SLC7A7: variants seen among roughly 807,000 people sequenced by gnomAD.
The protein encoded by SLC7A7 is solute carrier family 7 member 7.
In SLC7A7, 39 loss-of-function variants were observed where a neutral mutation model predicts 47.9. That is an observed-to-expected ratio of 0.81 (90% confidence interval 0.63 to 1.06). SLC7A7 has a LOEUF of 1.06. SLC7A7 is among the 50% of genes least tolerant of loss of function. SLC7A7 has a pLI of 0.00. For missense variants in SLC7A7, 588 were observed against 632.0 expected (o/e 0.93, Z 0.75); for synonymous variants, 234 against 242.8 (o/e 0.96, Z 0.34).
At chr14:22,773,895 C>T (rs2038532318) in intron 9 of SLC7A7, 38 bp downstream of exon 9, 1 of 1,612,904 alleles carries the variant, frequency 6.2e-7, no homozygotes, top group Non-Finnish European at 8.5e-7. Context: ...AAACCAAGCT[C>T]TGCAATAGCT....
intron 2 of SLC7A7, among the ~76,000 whole-genome samples, chr14:22,780,771 G>A (rs79144772): frequency 0.018 from 2,815 of 152,300 alleles, 88 homozygotes; most frequent in African/African-American, 0.064. Flanking sequence ...GGGCCTCCAT[G>A]AGGCTCGAAA....
intron 2 of SLC7A7, among the ~76,000 whole-genome samples, chr14:22,799,444 C>CTTTTTT (rs2039072654): frequency 9.1e-6 from 1 of 109,792 alleles, no homozygotes; most frequent in African/African-American, 3.2e-5. Flanking sequence ...TTATTTTTTT[C>CTTTTTT]TTTCTTTTTT....
At chr14:22,777,076 C>T (rs894201702) in intron 4 of SLC7A7, among the ~76,000 whole-genome samples, 2 of 140,194 alleles carry the variant, frequency 1.4e-5, no homozygotes, top group African/African-American at 2.7e-5. Context: ...CTGGGGAGGT[C>T]AAGGCTGCAG....
At chr14:22,813,687 G>A (rs1174928844) in intron 1 of SLC7A7, among the ~76,000 whole-genome samples, 2 of 106,028 alleles carry the variant, frequency 1.9e-5, no homozygotes, top group Admixed American at 1.1e-4. Context: ...GTGCAATCTC[G>A]GCTCGGCTCA....
intron 9 of SLC7A7, 39 bp downstream of exon 9, chr14:22,773,880 GGCAAAAACCAAGCT>G: frequency 6.2e-7 from 1 of 1,609,552 alleles, no homozygotes; most frequent in Admixed American, 1.7e-5. Context: ...TACAGAAAAA[GGCAAAAACCAAGCT>G]CTGCAATAGC....
At chr14:22,792,546 G>A (rs184618124) in intron 2 of SLC7A7, among the ~76,000 whole-genome samples, 4 of 152,150 alleles carry the variant, frequency 2.6e-5, no homozygotes, top group East Asian at 1.9e-4. Context: ...GCAAGACTTC[G>A]TCTCAGAAAA....
chr14:22,813,255 C>G lies in SLC7A7; in HGVS notation c.144G>C (p.Gly48=), dbSNP rs1298784269. 2 of 1,613,860 alleles carry G rather than the reference C, an allele frequency of 1.2e-6. No homozygotes were observed. The highest frequency in any genetic ancestry group is 4.5e-5 in the East Asian group (2 of 44,884). Residue 48 remains glycine (G), a synonymous_variant, in exon 2 of 10, where the codon GGG becomes GGC. Transcript: ENST00000674313. ...CAAAGATGCCCGAGCCGATCATGTT[C>G]CCCACAATCAGGCACACGCCGTTAA... is the stretch of plus-strand genomic sequence containing the variant. The part of the protein sequence containing the change: ...SLLNGVCLIV[G]NMIGSGIFVS...
chr14:22,780,004 C>A lies in SLC7A7; in HGVS notation c.547G>T (p.Val183Leu). 2 of 1,614,044 alleles carry A rather than the reference C, an allele frequency of 1.2e-6. No individual in the cohort carries two copies. The highest frequency in any genetic ancestry group is 1.1e-5 in the South Asian group (1 of 91,080). ...NCAYVKWGTL[V>L]QDIFTYAKVL... ...TTAGCATAGGTGAAAATATCTTGTA[C>A]CAGGGTTCCCCATTTGACATAGGCA... Residue 183 changes from valine (V) to leucine (L), a missense_variant, in exon 3 of 10, where the codon GTA becomes TTA. Transcript: ENST00000674313.
chr14:22,775,406 G>A lies in SLC7A7; in HGVS notation c.1095+38C>T, dbSNP rs11568425. The A allele has an allele frequency of 4.9e-4, 747 of 1,525,286 alleles. 6 individuals carry two copies. The East Asian group carries it at 0.014, about 28-fold the overall frequency. 94.5% of individuals were successfully genotyped at this position (1,525,286 alleles called of 1,614,324 possible). On this transcript the variant is annotated intron_variant, in intron 7 of 9. Transcript: ENST00000674313. ...TTCTGCTGTTACTAAAGTTTCCCCC[G>A]CAATCTGGCTTTCAGTCTCATCCTT...
At chr14:22,799,494 A>G (rs1166072750) in intron 2 of SLC7A7, among the ~76,000 whole-genome samples, 2 of 110,886 alleles carry the variant, frequency 1.8e-5, no homozygotes, top group Non-Finnish European at 3.3e-5. Flanking sequence ...TTGCTCTGTC[A>G]CCCAAGATGG....
intron 2 of SLC7A7, among the ~76,000 whole-genome samples, chr14:22,798,737 A>G (rs1032664501): frequency 6.6e-6 from 1 of 151,406 alleles, no homozygotes; most frequent in African/African-American, 2.4e-5. Context: ...AGATGTTGCA[A>G]CTCCTTCCTC....
chr14:22,788,521 G>A (rs2038861952), intron 2 of SLC7A7, among the ~76,000 whole-genome samples: 2 of 150,734 alleles, frequency 1.3e-5, no homozygotes, highest in South Asian at 4.2e-4. Context: ...TGGCCAACAT[G>A]GTGAAACCCC....
intron 2 of SLC7A7, among the ~76,000 whole-genome samples, chr14:22,799,550 G>A (rs1566456233): frequency 6.9e-6 from 1 of 145,328 alleles, no homozygotes; most frequent in Non-Finnish European, 1.5e-5. Context: ...TTCCTCCAGG[G>A]TTCAAGCGAT....
At chr14:22,800,319 T>A (rs2139435349) in intron 2 of SLC7A7, among the ~76,000 whole-genome samples, 1 of 152,316 alleles carries the variant, frequency 6.6e-6, no homozygotes, top group East Asian at 1.9e-4. Flanking sequence ...CCAATATGCC[T>A]CAACGTCTCC....
rs1374914314 is a variant in SLC7A7 at position 22,773,556 on chromosome 14, T to C, written c.*54A>G. 2 of 1,490,216 alleles carry C rather than the reference T, an allele frequency of 1.3e-6. No homozygotes were observed. Among genetic ancestry groups the C allele is most frequent in the Non-Finnish European group, 1.9e-6 (2 of 1,067,898 alleles). 92.3% of individuals were successfully genotyped at this position (1,490,216 alleles called of 1,614,324 possible). A position where few individuals can be genotyped will look rare whatever the true frequency, so the allele number is the denominator to read the frequency against. On this transcript the variant is annotated 3_prime_UTR_variant, in exon 10 of 10. Coordinates refer to ENST00000674313, the MANE Select transcript of SLC7A7 (RefSeq NM_003982.4). ...AGCTTTCCTTTTCAACTTCCTTAGC[T>C]CTAGCCAGTAGACCAGAAACCCCTG...
rs140438888 is a variant in SLC7A7 at position 22,794,487 on chromosome 14, C to T, written c.500-14436G>A. On this transcript the variant is annotated intron_variant, in intron 2 of 9. Coordinates refer to ENST00000674313, the MANE Select transcript of SLC7A7 (RefSeq NM_003982.4). Reference sequence around the variant, plus strand: ...ATCCAATCCTTATTGGTTTGCTTAGCTAGGGGTCAGTTCAAGTCCTCAGGT... The same window carrying T: ...ATCCAATCCTTATTGGTTTGCTTAGTTAGGGGTCAGTTCAAGTCCTCAGGT... Among the ~76,000 whole-genome samples, 566 of 152,224 alleles carry T rather than the reference C, an allele frequency of 3.7e-3. 5 individuals carry two copies. The highest frequency in any genetic ancestry group is 0.013 in the African/African-American group (534 of 41,532).
chr14:22,798,630 C>G (rs937540521), intron 2 of SLC7A7, among the ~76,000 whole-genome samples: 1 of 152,142 alleles, frequency 6.6e-6, no homozygotes, highest in African/African-American at 2.4e-5. Flanking sequence ...AACCTTGGTC[C>G]TTTCCTCTAA....
chr14:22,774,231 C>A (rs1594942929), intron 8 of SLC7A7, 115 bp from the exon 9 acceptor site: 2 of 1,590,656 alleles, frequency 1.3e-6, no homozygotes, highest in East Asian at 4.5e-5. Flanking sequence ...CCTTTAATTT[C>A]AACACATTAC....
chr14:22,818,059 C>T (rs2039430644), upstream of SLC7A7, among the ~76,000 whole-genome samples: 1 of 151,710 alleles, frequency 6.6e-6, no homozygotes, highest in Non-Finnish European at 1.5e-5. Flanking sequence ...TCACGCCTGC[C>T]CTTTTAAGAC....
Sources: allele counts gnomAD v4.1 joint callset (sites outside exome capture counted in the v4.1 genomes callset), GRCh38; gene constraint gnomAD v4.1.1; transcripts MANE v1.5; gene names NCBI Gene and HGNC (gene_info 2026-07-23, HGNC 2026-07-21).